Variants in LMNTD1 observed in about 807,000 individuals in gnomAD.
The protein encoded by LMNTD1 is lamin tail domain-containing protein 1.
Under a neutral mutation model 50.9 loss-of-function variants are expected in LMNTD1, and 35 were observed. That is an observed-to-expected ratio of 0.69 (90% CI 0.53 to 0.91). The LOEUF (loss-of-function observed/expected upper bound fraction) is 0.91, where lower values mean the gene tolerates loss of function less well. Among genes scored for constraint, LMNTD1 ranks in the 40% least tolerant of loss-of-function variants. The pLI, the probability that LMNTD1 is intolerant of heterozygous loss-of-function variation, is 0.00. For missense variants in LMNTD1, 470 were observed against 475.5 expected, an observed-to-expected ratio of 0.99 and a Z score of 0.11; for synonymous variants, 153 against 161.9, an observed-to-expected ratio of 0.94 and a Z score of 0.42.
intron 8 of LMNTD1, among the ~76,000 whole-genome samples, chr12:25,511,817 A>G (rs1002067058): frequency 1.3e-5 from 2 of 152,192 alleles, no homozygotes; most frequent in Admixed American, 6.5e-5. Context: ...CTTATATTTC[A>G]GTCGGATACA....
intron 1 of LMNTD1, among the ~76,000 whole-genome samples, chr12:25,568,171 T>C (rs982366605): frequency 4.6e-5 from 7 of 152,242 alleles, no homozygotes; most frequent in Non-Finnish European, 1.0e-4. Flanking sequence ...ACCTTTGTTA[T>C]GCCTTAGCAA....
chr12:25,528,618 T>A (rs1386875165), intron 4 of LMNTD1, among the ~76,000 whole-genome samples: 1 of 152,174 alleles, frequency 6.6e-6, no homozygotes, highest in Non-Finnish European at 1.5e-5. Flanking sequence ...TAAGAAAACA[T>A]GGCCATCAGA....
At chr12:25,564,465 G>A (rs2136320196) in intron 1 of LMNTD1, among the ~76,000 whole-genome samples, 1 of 152,200 alleles carries the variant, frequency 6.6e-6, no homozygotes, top group African/African-American at 2.4e-5. Context: ...CACCCTGTTG[G>A]CCAGGCTGAT....
rs112164928 is a variant in LMNTD1, at chr12:25,525,991, T to C, written c.798+108A>G. On this transcript the variant is annotated intron_variant, in intron 6 of 9. Coordinates refer to ENST00000458174, the MANE Select transcript of LMNTD1 (RefSeq NM_001145728.2). ...GCATAAAGTCAATTTTACTGACATT[T>C]ATGCACTTAGACACATTGTATAAAA... 3 of 740,892 alleles carry C rather than the reference T, an allele frequency of 4.0e-6. No individual in the cohort carries two copies. In the African/African-American group the frequency reaches 5.5e-5, roughly 14 times the overall value. The allele number at this position is 740,892 out of a possible 1,614,324, so 45.9% of individuals were successfully genotyped here.
At chr12:25,482,834 T>C (rs1347338116) in intron 9 of LMNTD1, among the ~76,000 whole-genome samples, 3 of 151,906 alleles carry the variant, frequency 2.0e-5, no homozygotes, top group African/African-American at 7.3e-5. Context: ...TAATTATCAT[T>C]TGTCAACAGC....
At chr12:25,556,101 T>C (rs1174980774), upstream of LMNTD1, among the ~76,000 whole-genome samples, 1 of 151,818 alleles carries the variant, frequency 6.6e-6, no homozygotes, top group East Asian at 1.9e-4. Context: ...GCCTCCCAAG[T>C]AGCTAGGACT....
At chr12:25,590,817 C>A (rs776576923) in intron 1 of LMNTD1, among the ~76,000 whole-genome samples, 5 of 152,050 alleles carry the variant, frequency 3.3e-5, no homozygotes, top group Admixed American at 1.3e-4. Context: ...AAGGGAGGAC[C>A]CTGGACGAGA....
intron 1 of LMNTD1, among the ~76,000 whole-genome samples, chr12:25,608,606 G>A (rs1946173358): frequency 6.6e-6 from 1 of 152,168 alleles, no homozygotes; most frequent in Admixed American, 6.5e-5. Flanking sequence ...TAGTTTGGCT[G>A]GATATGAAAT....
intron 1 of LMNTD1, among the ~76,000 whole-genome samples, chr12:25,619,730 G>C (rs914375927): frequency 6.6e-6 from 1 of 152,222 alleles, no homozygotes; most frequent in African/African-American, 2.4e-5. Flanking sequence ...AGCCCACACA[G>C]CCATCTCTGT....
intron 1 of LMNTD1, among the ~76,000 whole-genome samples, chr12:25,646,134 T>G (rs549306150): frequency 6.6e-6 from 1 of 152,100 alleles, no homozygotes; most frequent in Admixed American, 6.5e-5. Flanking sequence ...TAATTTTTTT[T>G]AAATAAATAG....
intron 3 of LMNTD1, among the ~76,000 whole-genome samples, chr12:25,548,734 C>T (rs1471553997): frequency 2.0e-5 from 3 of 151,920 alleles, no homozygotes; most frequent in Admixed American, 2.0e-4. Context: ...GAGAAACAAA[C>T]ACCCTAGAGC....
At position 25,492,948 on chromosome 12, in the gene LMNTD1, C is replaced by G. The variant is rs192483690; in HGVS notation, c.*22+10790G>C. On this transcript the variant is annotated intron_variant, in intron 9 of 9. Coordinates refer to ENST00000458174, the MANE Select transcript of LMNTD1 (RefSeq NM_001145728.2). The stretch of plus-strand genomic sequence containing the variant: ...TTCTAAACGTACCAACATAAATGAC[C>G]ATTCCTTAAAGCTGCCCAGTGTGTT... Among the ~76,000 whole-genome samples, 159 of 152,244 alleles carry G rather than the reference C, an allele frequency of 1.0e-3. 1 individual carries two copies. The highest frequency in any genetic ancestry group is 3.7e-3 in the African/African-American group (152 of 41,536).
At chr12:25,498,028 T>G (rs1939165299) in intron 9 of LMNTD1, among the ~76,000 whole-genome samples, 2 of 152,184 alleles carry the variant, frequency 1.3e-5, no homozygotes, top group Non-Finnish European at 2.9e-5. Context: ...GCACCATATC[T>G]TCCTGTATAT....
At chr12:25,566,442 T>G (rs1592031913) in intron 1 of LMNTD1, among the ~76,000 whole-genome samples, 1 of 152,376 alleles carries the variant, frequency 6.6e-6, no homozygotes, top group Non-Finnish European at 1.5e-5. Flanking sequence ...GTATCTTGTT[T>G]GTATAACGAC....
intron 9 of LMNTD1, among the ~76,000 whole-genome samples, chr12:25,491,997 C>T (rs150415763): frequency 3.7e-4 from 56 of 152,274 alleles, no homozygotes; most frequent in Admixed American, 8.5e-4. Context: ...GAGAGATATA[C>T]GTCCAGAAAT....
chr12:25,591,558 C>T (rs1301542466), intron 1 of LMNTD1, among the ~76,000 whole-genome samples: 1 of 152,102 alleles, frequency 6.6e-6, no homozygotes, highest in African/African-American at 2.4e-5. Context: ...GGACGGCACC[C>T]CTGGACATGC....
chr12:25,498,295 T>C (rs2135929720), intron 9 of LMNTD1, among the ~76,000 whole-genome samples: 1 of 152,294 alleles, frequency 6.6e-6, no homozygotes, highest in East Asian at 1.9e-4. Flanking sequence ...CCTTTGTCAT[T>C]TCCTGTTCTG....
intron 1 of LMNTD1, among the ~76,000 whole-genome samples, chr12:25,640,613 C>T (rs758432600): frequency 6.6e-6 from 1 of 151,722 alleles, no homozygotes; most frequent in Non-Finnish European, 1.5e-5. Context: ...TATTAGTTAT[C>T]CATGACATTA....
chr12:25,483,850 T>C (rs1938524479), intron 9 of LMNTD1, among the ~76,000 whole-genome samples: 1 of 151,778 alleles, frequency 6.6e-6, no homozygotes, highest in African/African-American at 2.4e-5. Context: ...AATCTATGAA[T>C]GAGAAATCTA....
Sources: gnomAD v4.1 joint callset for allele counts (sites outside exome capture counted in the v4.1 genomes callset) on GRCh38, gnomAD v4.1.1 for gene constraint, MANE v1.5 for transcripts, NCBI Gene and HGNC (gene_info 2026-07-23, HGNC 2026-07-21) for gene names.